Variants in IL15RA observed in about 807,000 individuals in gnomAD.
The protein encoded by IL15RA is interleukin-15 receptor subunit alpha.
In IL15RA, 26 loss-of-function variants were observed where a neutral mutation model predicts 24.2. The ratio of observed to expected loss-of-function variants is 1.07; its 90% confidence interval spans 0.79 to 1.49. The LOEUF (loss-of-function observed/expected upper bound fraction) is 1.49, where lower values mean the gene tolerates loss of function less well. Ranked by LOEUF, IL15RA falls within the 40% of genes most tolerant of loss-of-function variation. IL15RA has a pLI of 0.00. For synonymous variants in IL15RA, 166 were observed against 157.6 expected, an observed-to-expected ratio of 1.05 and a Z score of -0.40; for missense variants, 354 against 356.4, an observed-to-expected ratio of 0.99 and a Z score of 0.05.
chr10:5,974,389 C>T (rs1838085154), intron 1 of IL15RA, among the ~76,000 whole-genome samples: 1 of 152,100 alleles, frequency 6.6e-6, no homozygotes, highest in Admixed American at 6.6e-5. Flanking sequence ...CATAACATCA[C>T]CAGCTGTAGA....
Position 5,963,866 on chromosome 10 carries a change from A to T in IL15RA, c.284-25T>A, listed in dbSNP as rs1836019717. 6.8e-7 allele frequency: 1 copy of T among 1,466,162 alleles called. No homozygotes were observed. The highest frequency in any genetic ancestry group is 2.2e-5 in the Admixed American group (1 of 45,676). The allele number at this position is 1,466,162 out of a possible 1,614,324, so 90.8% of individuals were successfully genotyped here. On this transcript the variant is annotated intron_variant, in intron 2 of 6. Transcript: ENST00000379977. The surrounding 1 kb of genome is among the most constrained non-coding windows in gnomAD (Gnocchi z 5.3). ...CCTAGAGAGAGGATAACCACATGGC[A>T]CTTATGATCCTGAGCCTGGAACCTG... is the stretch of plus-strand genomic sequence containing the variant.
Position 5,960,314 on chromosome 10 carries a change from C to A in IL15RA, c.583+53G>T. 1 of 1,494,910 alleles carries A rather than the reference C, an allele frequency of 6.7e-7. No homozygotes were observed. Among genetic ancestry groups the A allele is most frequent in the South Asian group, 1.1e-5 (1 of 88,452 alleles). The allele number at this position is 1,494,910 out of a possible 1,614,324, so 92.6% of individuals were successfully genotyped here. Reference sequence around the variant, plus strand: ...CCTTGTGCCGGATCTCAGCCCCGATCTCAGAAGCAGCAATGGGGAACTGAC... The same window carrying A: ...CCTTGTGCCGGATCTCAGCCCCGATATCAGAAGCAGCAATGGGGAACTGAC... On this transcript the variant is annotated intron_variant, in intron 4 of 6. Coordinates refer to ENST00000379977, the MANE Select transcript of IL15RA (RefSeq NM_002189.4). This position sits in a 1 kb window ranked among gnomAD's most constrained non-coding sequence, Gnocchi z 5.1.
Position 5,968,602 on chromosome 10 carries a change from C to T in IL15RA, c.89-2263G>A, listed in dbSNP as rs1305845146. 1 of 590,926 alleles carries T rather than the reference C, an allele frequency of 1.7e-6. No individual in the cohort carries two copies. The highest frequency in any genetic ancestry group is 3.0e-6 in the Non-Finnish European group (1 of 331,216). The allele number at this position is 590,926 out of a possible 1,614,324, so 36.6% of individuals were successfully genotyped here. ...GCTGTTGCTATGGTTACCTGCAGAG[C>T]CCCACTGGCTTTGAGGCCTCTGGTG... On this transcript the variant is annotated intron_variant, in intron 1 of 6. Coordinates refer to ENST00000379977, the MANE Select transcript of IL15RA (RefSeq NM_002189.4). This position sits in a 1 kb window ranked among gnomAD's most constrained non-coding sequence, Gnocchi z 5.4.
In IL15RA at chr10:5,962,029, G is replaced by T. The variant is rs1276556402; in HGVS notation, c.383-1462C>A. Among the ~76,000 whole-genome samples the T allele has an allele frequency of 1.3e-5, 2 of 152,188 alleles. No individual in the cohort carries two copies. Among genetic ancestry groups the T allele is most frequent in the Non-Finnish European group, 2.9e-5 (2 of 68,036 alleles). Reference sequence around the variant, plus strand: ...GGGTCAAAGGCTGCTGTCACATCGGGGCTTCTGACTGCACCATTGTGTCTC... The same window carrying T: ...GGGTCAAAGGCTGCTGTCACATCGGTGCTTCTGACTGCACCATTGTGTCTC... On this transcript the variant is annotated intron_variant, in intron 3 of 6. Coordinates refer to ENST00000379977, the MANE Select transcript of IL15RA (RefSeq NM_002189.4). This position sits in a 1 kb window ranked among gnomAD's most constrained non-coding sequence, Gnocchi z 5.2.
rs754691190 is a variant in IL15RA, at chr10:5,958,236, G to C, written c.616+1518C>G. On this transcript the variant is annotated intron_variant, in intron 5 of 6. Transcript: ENST00000379977. This position sits in a 1 kb window ranked among gnomAD's most constrained non-coding sequence, Gnocchi z 4.3. ...TATACCAGCAAGTGGAAACAAACAT[G>C]GTACAGAAAAGGAGAAAAGAAGCAA... The C allele has an allele frequency of 1.8e-5, 7 of 393,570 alleles. No homozygotes were observed. The highest frequency in any genetic ancestry group is 3.0e-5 in the Non-Finnish European group (6 of 197,594). 24.4% of individuals were successfully genotyped at this position (393,570 alleles called of 1,614,324 possible).
At position 5,958,588 on chromosome 10, in the gene IL15RA, T is replaced by C. The variant is rs1834933693; in HGVS notation, c.616+1166A>G. Reference sequence around the variant, plus strand: ...TTTTAGTAAAGATGGGGTTTTGTCATGTTGTCCAGGCTGGTCTGGGACTCC... The same window carrying C: ...TTTTAGTAAAGATGGGGTTTTGTCACGTTGTCCAGGCTGGTCTGGGACTCC... On this transcript the variant is annotated intron_variant, in intron 5 of 6. Coordinates refer to ENST00000379977, the MANE Select transcript of IL15RA (RefSeq NM_002189.4). This position sits in a 1 kb window ranked among gnomAD's most constrained non-coding sequence, Gnocchi z 4.3. Among the ~76,000 whole-genome samples the C allele has an allele frequency of 6.6e-6, 1 of 152,132 alleles. No homozygotes were observed. The highest frequency in any genetic ancestry group is 2.4e-5 in the African/African-American group (1 of 41,442).
In IL15RA at chr10:5,964,701, G is replaced by A. The variant is rs1836199690; in HGVS notation, c.284-860C>T. ...TCCATCCCGGATTCATTTGCCCAAA[G>A]GACATGGAGTGTCGAGGAGACCTGA... is the stretch of plus-strand genomic sequence containing the variant. On this transcript the variant is annotated intron_variant, in intron 2 of 6. Transcript: ENST00000379977. The surrounding 1 kb of genome is among the most constrained non-coding windows in gnomAD (Gnocchi z 5.6). 6.6e-6 allele frequency among the ~76,000 whole-genome samples: 1 copy of A among 152,186 alleles called. No homozygotes were observed. The highest frequency in any genetic ancestry group is 2.4e-5 in the African/African-American group (1 of 41,446).
In IL15RA at chr10:5,971,868, T is replaced by A. The variant is rs1297632531; in HGVS notation, c.89-5529A>T. On this transcript the variant is annotated intron_variant, in intron 1 of 6. Coordinates refer to ENST00000379977, the MANE Select transcript of IL15RA (RefSeq NM_002189.4). The surrounding 1 kb of genome is among the most constrained non-coding windows in gnomAD (Gnocchi z 5.5). ...CATTAACTGAGCTTCCTGACCCACC[T>A]CTTGTGTGCCAGGTGAATTTCTCCA... 6.6e-6 allele frequency among the ~76,000 whole-genome samples: 1 copy of A among 152,224 alleles called. No homozygotes were observed. Among genetic ancestry groups the A allele is most frequent in the Non-Finnish European group, 1.5e-5 (1 of 68,036 alleles).
Position 5,970,290 on chromosome 10 carries a change from C to G in IL15RA, c.89-3951G>C, listed in dbSNP as rs1466035690. On this transcript the variant is annotated intron_variant, in intron 1 of 6. Transcript: ENST00000379977. This position sits in a 1 kb window ranked among gnomAD's most constrained non-coding sequence, Gnocchi z 4.1. ...AGATCTGAAACAGCAGACTTCCAGTCTCTCCCCCAAGCCCTTGTGCTATTG... is the reference window on the plus strand; with the variant it reads ...AGATCTGAAACAGCAGACTTCCAGTGTCTCCCCCAAGCCCTTGTGCTATTG... 6.6e-6 allele frequency among the ~76,000 whole-genome samples: 1 copy of G among 152,220 alleles called. No homozygotes were observed. Among genetic ancestry groups the G allele is most frequent in the Non-Finnish European group, 1.5e-5 (1 of 68,050 alleles).
Position 5,966,203 on chromosome 10 carries a change from G to T in IL15RA, c.225C>A (p.Cys75Ter). 6.2e-7 allele frequency: 1 copy of T among 1,613,870 alleles called. No individual in the cohort carries two copies. Among genetic ancestry groups the T allele is most frequent in the Non-Finnish European group, 8.5e-7 (1 of 1,179,782 alleles). ...CGACATTCGTGGCCTTGTTCAACAC[G>T]CACTCCGTCAGGCTGGACGTGCCGG... ...RKAGTSSLTECVLNKATNVAH... is the reference protein window; with the variant it reads ...RKAGTSSLTE Residue 75 changes from cysteine to a stop codon, truncating the protein, a stop_gained, in exon 2 of 7, where the codon TGC (cysteine) becomes TGA (stop). Transcript: ENST00000379977. LOFTEE classifies it high-confidence loss of function. This position sits in a 1 kb window ranked among gnomAD's most constrained non-coding sequence, Gnocchi z 6.4.
rs899382355 is a variant in IL15RA, at chr10:5,960,720, C to T, written c.383-153G>A. ...CTGCTCCTTGAGAGGGTGACATAGC[C>T]GTTCCTCTGGAAGGGCCATAGGACC... On this transcript the variant is annotated intron_variant, in intron 3 of 6. Transcript: ENST00000379977. This position sits in a 1 kb window ranked among gnomAD's most constrained non-coding sequence, Gnocchi z 5.1. 7.2e-5 allele frequency among the ~76,000 whole-genome samples: 11 copies of T among 152,200 alleles called. No individual in the cohort carries two copies. In the East Asian group the frequency reaches 9.7e-4, roughly 13 times the overall value.
At position 5,968,556 on chromosome 10, in the gene IL15RA, G is replaced by T. The variant is rs552785162; in HGVS notation, c.89-2217C>A. 2 of 562,206 alleles carry T rather than the reference G, an allele frequency of 3.6e-6. No homozygotes were observed. Among genetic ancestry groups the T allele is most frequent in the South Asian group, 4.3e-5 (2 of 46,326 alleles). The allele number at this position is 562,206 out of a possible 1,614,324, so 34.8% of individuals were successfully genotyped here. A position where few individuals can be genotyped will look rare whatever the true frequency, so the allele number is the denominator to read the frequency against. ...AGAGATGGAGTCGATCTCACAAGTT[G>T]TTGAGGTGGATTTGGATGCTGCTGT... On this transcript the variant is annotated intron_variant, in intron 1 of 6. Transcript: ENST00000379977. The surrounding 1 kb of genome is among the most constrained non-coding windows in gnomAD (Gnocchi z 5.4).
At position 5,971,428 on chromosome 10, in the gene IL15RA, ATC is replaced by A. The variant is rs2132648055; in HGVS notation, c.89-5091_89-5090del. ...CAGAACCTGTGAATCACACTTCCTT[ATC>A]TATCAGGTTGGTTTACAGAGTCTAA... On this transcript the variant is annotated intron_variant, in intron 1 of 6. Coordinates refer to ENST00000379977, the MANE Select transcript of IL15RA (RefSeq NM_002189.4). This position sits in a 1 kb window ranked among gnomAD's most constrained non-coding sequence, Gnocchi z 5.5. 6.6e-6 allele frequency among the ~76,000 whole-genome samples: 1 copy of A among 152,260 alleles called. No individual in the cohort carries two copies. Among genetic ancestry groups the A allele is most frequent in the African/African-American group, 2.4e-5 (1 of 41,540 alleles).
chr10:5,977,007 A>G (rs36055263), intron 1 of IL15RA: 63,329 of 169,046 alleles, frequency 0.37, 12,561 homozygotes, highest in Non-Finnish European at 0.42. Context: ...ACCGCGTGCT[A>G]TGCAACACCC....
rs1836429796 is a variant in IL15RA, at chr10:5,965,870, G to C, written c.283+275C>G. 1.3e-5 allele frequency among the ~76,000 whole-genome samples: 2 copies of C among 152,166 alleles called. No homozygotes were observed. The highest frequency in any genetic ancestry group is 2.9e-5 in the Non-Finnish European group (2 of 68,028). Reference sequence around the variant, plus strand: ...CAAGTAGCTGGGATTACAGGCGCCTGCCACCACGCCCGGCTACTTTTTGTA... The same window carrying C: ...CAAGTAGCTGGGATTACAGGCGCCTCCCACCACGCCCGGCTACTTTTTGTA... On this transcript the variant is annotated intron_variant, in intron 2 of 6. Transcript: ENST00000379977. The surrounding 1 kb of genome is among the most constrained non-coding windows in gnomAD (Gnocchi z 5.8).
At position 5,959,856 on chromosome 10, in the gene IL15RA, A is replaced by T; in HGVS notation, c.584-70T>A. 6.8e-7 allele frequency: 1 copy of T among 1,474,946 alleles called. No homozygotes were observed. Among genetic ancestry groups the T allele is most frequent in the South Asian group, 1.2e-5 (1 of 86,770 alleles). 91.4% of individuals were successfully genotyped at this position (1,474,946 alleles called of 1,614,324 possible). A position where few individuals can be genotyped will look rare whatever the true frequency, so the allele number is the denominator to read the frequency against. On this transcript the variant is annotated intron_variant, in intron 4 of 6. Coordinates refer to ENST00000379977, the MANE Select transcript of IL15RA (RefSeq NM_002189.4). This position sits in a 1 kb window ranked among gnomAD's most constrained non-coding sequence, Gnocchi z 4.1. The stretch of plus-strand genomic sequence containing the variant: ...CCTAGTTCCTCATGAAGCAGGAGAA[A>T]ATCTGCATGGCTTGGCTCCCATCTT...
At position 5,959,782 on chromosome 10, in the gene IL15RA, C is replaced by A; in HGVS notation, c.588G>T (p.Val196=). ...TGGTGTCGCTGTGGCCCTGTGGATA[C>A]ACACCTGCGGAAAAGAGAGGACAGC... ...TASASHQPPG[V]YPQGHSDTTV... is the part of the protein sequence containing the mutation. The change falls in exon 5 of 7, where the codon GTG becomes GTT. Residue 196 remains valine (V), a synonymous_variant. Coordinates refer to ENST00000379977, the MANE Select transcript of IL15RA (RefSeq NM_002189.4). This position sits in a 1 kb window ranked among gnomAD's most constrained non-coding sequence, Gnocchi z 4.1. 1 of 1,613,966 alleles carries A rather than the reference C, an allele frequency of 6.2e-7. No homozygotes were observed. Among genetic ancestry groups the A allele is most frequent in the Non-Finnish European group, 8.5e-7 (1 of 1,179,944 alleles).
chr10:5,958,187 C>A lies in IL15RA; in HGVS notation c.616+1567G>T. ...AAAAACGATGAGATGGTTTTTGTGT[C>A]CTGATATGGGAGGATCTACAAGGTA... On this transcript the variant is annotated intron_variant, in intron 5 of 6. Coordinates refer to ENST00000379977, the MANE Select transcript of IL15RA (RefSeq NM_002189.4). The surrounding 1 kb of genome is among the most constrained non-coding windows in gnomAD (Gnocchi z 4.3). 2 of 340,458 alleles carry A rather than the reference C, an allele frequency of 5.9e-6. No homozygotes were observed. The highest frequency in any genetic ancestry group is 7.9e-5 in the East Asian group (1 of 12,608). The allele number at this position is 340,458 out of a possible 1,614,324, so 21.1% of individuals were successfully genotyped here.
rs8177685 is a variant in IL15RA at position 5,966,650 on chromosome 10, C to T, written c.89-311G>A. On this transcript the variant is annotated intron_variant, in intron 1 of 6. Coordinates refer to ENST00000379977, the MANE Select transcript of IL15RA (RefSeq NM_002189.4). This position sits in a 1 kb window ranked among gnomAD's most constrained non-coding sequence, Gnocchi z 6.4. ...CCCTCAGTCTCTCTTAAAGTCTTCA[C>T]CCCTCTCCACCGTGGACCCAGCCTC... 0.86 allele frequency among the ~76,000 whole-genome samples: 129,957 copies of T among 151,816 alleles called. 55,948 individuals carry two copies. Among genetic ancestry groups the T allele is most frequent in the Middle Eastern group, 0.91 (267 of 294 alleles).
Sources: allele counts gnomAD v4.1 joint callset (sites outside exome capture counted in the v4.1 genomes callset), GRCh38; gene constraint gnomAD v4.1.1; non-coding constraint Gnocchi (gnomAD v3.1); transcripts MANE v1.5; gene names NCBI Gene and HGNC (gene_info 2026-07-23, HGNC 2026-07-21).